The following ANKS1B variants were observed in gnomAD, a reference collection of about 807,000 sequenced individuals.
The protein encoded by ANKS1B is ankyrin repeat and sterile alpha motif domain-containing protein 1B.
ANKS1B carries 36 observed loss-of-function variants against 148.3 expected under a neutral mutation model. The ratio of observed to expected loss-of-function variants is 0.24; its 90% confidence interval spans 0.19 to 0.32. ANKS1B has a LOEUF of 0.32. ANKS1B is among the 10% of genes least tolerant of loss of function. The pLI is 1.00. For synonymous variants in ANKS1B, 542 were observed against 560.8 expected, an observed-to-expected ratio of 0.97 and a Z score of 0.47; for missense variants, 1,157 against 1,542.6, an observed-to-expected ratio of 0.75 and a Z score of 4.19.
At chr12:99,918,067 C>A (rs1029668526) in intron 1 of ANKS1B, among the ~76,000 whole-genome samples, 1 of 152,212 alleles carries the variant, frequency 6.6e-6, no homozygotes, top group African/African-American at 2.4e-5. Context: ...TGAAACCAAC[C>A]ACTCTCCCCA....
chr12:99,762,193 A>G lies in ANKS1B; in HGVS notation c.1128+10729T>C, dbSNP rs901198833. On this transcript the variant is annotated intron_variant, in intron 8 of 26. Coordinates refer to ENST00000683438, the MANE Select transcript of ANKS1B (RefSeq NM_001352186.2). ...TCATTTTTCACACAATTAGAAAAAA[A>G]CTATTCTAAAATTCACATGGAATCA... 3.9e-5 allele frequency among the ~76,000 whole-genome samples: 6 copies of G among 152,224 alleles called. No homozygotes were observed. In the East Asian group the frequency reaches 1.2e-3, roughly 29 times the overall value.
At chr12:99,472,109 A>T (rs2096251160) in intron 10 of ANKS1B, among the ~76,000 whole-genome samples, 2 of 152,180 alleles carry the variant, frequency 1.3e-5, no homozygotes, top group South Asian at 4.1e-4. Flanking sequence ...AGTAAATTAT[A>T]GTCTGACCTA....
intron 8 of ANKS1B, among the ~76,000 whole-genome samples, chr12:99,744,629 A>C (rs1273052209): frequency 6.6e-6 from 1 of 152,184 alleles, no homozygotes; most frequent in Non-Finnish European, 1.5e-5. Flanking sequence ...AGCCTGAATA[A>C]ATGTTCTATC....
intron 1 of ANKS1B, among the ~76,000 whole-genome samples, chr12:99,883,814 G>T (rs2092679804): frequency 6.6e-6 from 1 of 152,128 alleles, no homozygotes; most frequent in Non-Finnish European, 1.5e-5. Flanking sequence ...TACTTGGGAG[G>T]CTGAGGCAGA....
At chr12:99,738,092 A>C (rs148465749) in intron 8 of ANKS1B, among the ~76,000 whole-genome samples, 1 of 152,182 alleles carries the variant, frequency 6.6e-6, no homozygotes, top group Non-Finnish European at 1.5e-5. Flanking sequence ...TAAAGCAGGC[A>C]CAACTGTTCC....
chr12:99,329,045 T>C (rs1198351098), intron 12 of ANKS1B, among the ~76,000 whole-genome samples: 2 of 151,442 alleles, frequency 1.3e-5, no homozygotes, highest in Non-Finnish European at 3.0e-5. Flanking sequence ...AAAATAAAAC[T>C]CAGAAAAAAT....
intron 8 of ANKS1B, among the ~76,000 whole-genome samples, chr12:99,728,915 C>A (rs917818296): frequency 2.6e-5 from 4 of 152,126 alleles, no homozygotes. Context: ...TGTTTTCACT[C>A]ATAAGTGGGA....
intron 9 of ANKS1B, among the ~76,000 whole-genome samples, chr12:99,532,928 C>T (rs2153096063): frequency 6.6e-6 from 1 of 152,230 alleles, no homozygotes; most frequent in Admixed American, 6.5e-5. Context: ...ACTATTATAG[C>T]CCTGTAGTAT....
chr12:99,461,067 C>T (rs901297067), intron 10 of ANKS1B, among the ~76,000 whole-genome samples: 14 of 138,632 alleles, frequency 1.0e-4, no homozygotes, highest in African/African-American at 4.4e-4. Flanking sequence ...TATATATATA[C>T]ACATACACAC....
At chr12:99,622,611 G>A (rs1224497388) in intron 9 of ANKS1B, among the ~76,000 whole-genome samples, 3 of 151,762 alleles carry the variant, frequency 2.0e-5, no homozygotes, top group Non-Finnish European at 4.4e-5. Flanking sequence ...ACAGTTATGT[G>A]CATACAGGTG....
intron 17 of ANKS1B, among the ~76,000 whole-genome samples, chr12:98,922,033 A>T (rs920124942): frequency 3.3e-5 from 5 of 152,218 alleles, no homozygotes; most frequent in African/African-American, 1.2e-4. Context: ...CAACAAGGAA[A>T]CTATGATTCA....
intron 17 of ANKS1B, among the ~76,000 whole-genome samples, chr12:99,000,284 T>G (rs1255042649): frequency 1.3e-4 from 19 of 148,544 alleles, no homozygotes; most frequent in African/African-American, 4.7e-4. Flanking sequence ...TTTTTTTTTT[T>G]TTTGAGATGG....
chr12:99,602,053 C>A (rs1480875814), intron 9 of ANKS1B, among the ~76,000 whole-genome samples: 6 of 152,054 alleles, frequency 3.9e-5, no homozygotes, highest in Non-Finnish European at 5.9e-5. Flanking sequence ...TTTCTATGGC[C>A]TGCCTTGGGA....
intron 1 of ANKS1B, among the ~76,000 whole-genome samples, chr12:99,977,744 C>T (rs150362695): frequency 0.015 from 2,280 of 152,298 alleles, 39 homozygotes; most frequent in African/African-American, 0.035. Context: ...CCTGCCCGTA[C>T]GGCTTACATA....
At chr12:99,090,077 C>G (rs919891887) in intron 15 of ANKS1B, among the ~76,000 whole-genome samples, 6 of 152,050 alleles carry the variant, frequency 3.9e-5, no homozygotes, top group African/African-American at 1.4e-4. Flanking sequence ...TTTCTTTGAC[C>G]ACGGGGAGAA....
intron 9 of ANKS1B, among the ~76,000 whole-genome samples, chr12:99,567,234 A>G (rs2097404539): frequency 6.6e-6 from 1 of 152,142 alleles, no homozygotes. Context: ...CAGTTTACAA[A>G]ATGATTCTTT....
At chr12:99,215,782 T>C (rs1250169727) in intron 14 of ANKS1B, among the ~76,000 whole-genome samples, 1 of 152,246 alleles carries the variant, frequency 6.6e-6, no homozygotes, top group Non-Finnish European at 1.5e-5. Flanking sequence ...TTTGATTTTA[T>C]GGGCTCATGG....
intron 17 of ANKS1B, among the ~76,000 whole-genome samples, chr12:99,050,041 C>T (rs2099964972): frequency 6.6e-6 from 1 of 152,150 alleles, no homozygotes. Flanking sequence ...ATGTGAACTT[C>T]CCTAAAAGGC....
chr12:98,770,213 G>T (rs10860366), intron 25 of ANKS1B, among the ~76,000 whole-genome samples: 4 of 152,004 alleles, frequency 2.6e-5, no homozygotes, highest in Admixed American at 1.3e-4. Flanking sequence ...AATTAGGACT[G>T]GGAAAAGTCC....
Sources: gnomAD v4.1 joint callset for allele counts (sites outside exome capture counted in the v4.1 genomes callset) on GRCh38, gnomAD v4.1.1 for gene constraint, MANE v1.5 for transcripts, NCBI Gene and HGNC (gene_info 2026-07-23, HGNC 2026-07-21) for gene names.